Variants in TENM3 observed in about 807,000 individuals in gnomAD.
TENM3 encodes teneurin-3.
Under a neutral mutation model 255.1 loss-of-function variants are expected in TENM3, and 63 were observed. That is an observed-to-expected ratio of 0.25 (90% CI 0.20 to 0.30). TENM3 has a LOEUF of 0.30. Among genes scored for constraint, TENM3 ranks in the 10% least tolerant of loss-of-function variants. The pLI, the probability that TENM3 is intolerant of heterozygous loss-of-function variation, is 1.00. For synonymous variants in TENM3, 1,306 were observed against 1,322.3 expected (o/e 0.99, Z 0.27); for missense variants, 2,929 against 3,461.1 (o/e 0.85, Z 3.86).
chr4:182,307,715 C>T (rs1762219572), intron 1 of TENM3, among the ~76,000 whole-genome samples: 1 of 152,200 alleles, frequency 6.6e-6, no homozygotes, highest in African/African-American at 2.4e-5. Flanking sequence ...GCAATGCCTC[C>T]CTTTGAGGAA....
chr4:181,704,339 G>A, the TENM3 span, among the ~76,000 whole-genome samples: 1 of 152,132 alleles, frequency 6.6e-6, no homozygotes. Context: ...CCTGTCCCAG[G>A]AGGAATATTG....
In TENM3 at chr4:182,800,451, G is replaced by A. The variant is rs370700972; in HGVS notation, c.*100G>A. 1.4e-6 allele frequency: 2 copies of A among 1,391,704 alleles called. No individual in the cohort carries two copies. Among genetic ancestry groups the A allele is most frequent in the Non-Finnish European group, 9.5e-7 (1 of 1,056,858 alleles). The allele number at this position is 1,391,704 out of a possible 1,614,324, so 86.2% of individuals were successfully genotyped here. ...CAACGCCCAAGAGCCTTCCTCCCGG[G>A]GGAATGAGACTGCTGTTACGACCCA... On this transcript the variant is annotated 3_prime_UTR_variant, in exon 28 of 28. Transcript: ENST00000511685.
At chr4:182,447,552 G>C (rs1773031467) in intron 3 of TENM3, among the ~76,000 whole-genome samples, 1 of 152,144 alleles carries the variant, frequency 6.6e-6, no homozygotes, top group South Asian at 2.1e-4. Flanking sequence ...AAGACCGTGG[G>C]GGAAGAGAGA....
chr4:182,480,644 C>G (rs1179642105), intron 3 of TENM3, among the ~76,000 whole-genome samples: 1 of 151,984 alleles, frequency 6.6e-6, no homozygotes, highest in East Asian at 1.9e-4. Context: ...ATTTGGAACT[C>G]TGTATCTTTG....
the TENM3 span, among the ~76,000 whole-genome samples, chr4:181,913,092 T>C: frequency 5.9e-5 from 9 of 151,886 alleles, no homozygotes; most frequent in Admixed American, 5.9e-4. Context: ...ATATGCAAAA[T>C]AACACGGAGA....
the TENM3 span, among the ~76,000 whole-genome samples, chr4:181,798,117 A>G: frequency 5.4e-5 from 7 of 128,870 alleles, no homozygotes; most frequent in Non-Finnish European, 8.2e-5. Context: ...GTGTGTGTGT[A>G]TAGTTTTGTC....
At chr4:182,394,351 A>G (rs997935714) in intron 3 of TENM3, among the ~76,000 whole-genome samples, 8 of 152,184 alleles carry the variant, frequency 5.3e-5, no homozygotes, top group Non-Finnish European at 2.9e-5. Context: ...ATCTTACGCA[A>G]TTGAAATACA....
the TENM3 span, chr4:181,523,135 T>C: frequency 2.5e-6 from 1 of 404,268 alleles, no homozygotes; most frequent in South Asian, 2.0e-5. Context: ...TTTGTACTAG[T>C]GAAGCCTGTA....
rs568156418 is a variant in TENM3, at chr4:182,342,804, G to A, written c.233-3847G>A. Among the ~76,000 whole-genome samples, 159 of 152,214 alleles carry A rather than the reference G, an allele frequency of 1.0e-3. 1 individual carries two copies. Among genetic ancestry groups the A allele is most frequent in the African/African-American group, 3.6e-3 (148 of 41,532 alleles). On this transcript the variant is annotated intron_variant, in intron 2 of 27. Coordinates refer to ENST00000511685, the MANE Select transcript of TENM3 (RefSeq NM_001080477.4). ...TATGTACCTCTGAGACTAGTCCCTC[G>A]GGTAGAATCTGTTTCTCATACAAGA...
At position 182,157,709 on chromosome 4, in the gene TENM3, G is replaced by A. The variant is rs77806150; in HGVS notation, c.-76+12955G>A. Reference sequence around the variant, plus strand: ...GACTTGTCAGCATTTAGATGAGGACGAAAGATGTGGCTGGAGACTATAGAT... The same window carrying A: ...GACTTGTCAGCATTTAGATGAGGACAAAAGATGTGGCTGGAGACTATAGAT... On this transcript the variant is annotated intron_variant, in intron 1 of 2. Transcript: ENST00000512480. Among the ~76,000 whole-genome samples the A allele has an allele frequency of 2.4e-3, 366 of 152,264 alleles. 1 individual carries two copies. Among genetic ancestry groups the A allele is most frequent in the African/African-American group, 7.8e-3 (324 of 41,556 alleles).
At chr4:182,279,161 C>T (rs543300809) in intron 1 of TENM3, among the ~76,000 whole-genome samples, 5 of 152,266 alleles carry the variant, frequency 3.3e-5, no homozygotes, top group South Asian at 2.1e-4. Context: ...TTGAGTGATC[C>T]GCAGTGTCTT....
At chr4:181,812,253 G>A in the TENM3 span, among the ~76,000 whole-genome samples, 29 of 152,206 alleles carry the variant, frequency 1.9e-4, no homozygotes, top group Admixed American at 6.5e-4. Flanking sequence ...CAATATCCTC[G>A]AGTAACACTA....
At chr4:182,291,818 T>A (rs1761145192) in intron 1 of TENM3, among the ~76,000 whole-genome samples, 3 of 151,540 alleles carry the variant, frequency 2.0e-5, no homozygotes, top group Admixed American at 2.0e-4. Context: ...CCCAGTGGGG[T>A]CGCGTTCCCA....
chr4:182,352,696 C>T (rs1051698028), intron 3 of TENM3, among the ~76,000 whole-genome samples: 1 of 151,962 alleles, frequency 6.6e-6, no homozygotes, highest in African/African-American at 2.4e-5. Flanking sequence ...TTTCACTTGT[C>T]CTTTGAAATG....
rs532371829 is a variant in TENM3, at chr4:182,623,569, A to G, written c.750-5082A>G. ...GCTGGTCTCGACTCCTGAGCTTGTG[A>G]TCCACCCGCTGCGGCCTTCCAAAGT... is the stretch of plus-strand genomic sequence containing the variant. On this transcript the variant is annotated intron_variant, in intron 4 of 27. Coordinates refer to ENST00000511685, the MANE Select transcript of TENM3 (RefSeq NM_001080477.4). Among the ~76,000 whole-genome samples the G allele has an allele frequency of 1.3e-3, 199 of 151,836 alleles. 1 individual carries two copies. The highest frequency in any genetic ancestry group is 4.6e-3 in the African/African-American group (192 of 41,378).
chr4:181,727,193 G>A, the TENM3 span, among the ~76,000 whole-genome samples: 1 of 151,634 alleles, frequency 6.6e-6, no homozygotes, highest in African/African-American at 2.4e-5. Flanking sequence ...GGTGACCTGG[G>A]ATTAAAAGTT....
the TENM3 span, among the ~76,000 whole-genome samples, chr4:181,510,671 G>C: frequency 6.6e-6 from 1 of 152,188 alleles, no homozygotes; most frequent in Non-Finnish European, 1.5e-5. Context: ...TGGTGTCAAG[G>C]CAGAATTTAA....
chr4:182,179,970 T>G (rs982709710), intron 1 of TENM3, among the ~76,000 whole-genome samples: 2 of 152,310 alleles, frequency 1.3e-5, no homozygotes, highest in Non-Finnish European at 1.5e-5. Flanking sequence ...GTAGTCTCTA[T>G]GGGCTTTGTA....
the TENM3 span, among the ~76,000 whole-genome samples, chr4:181,942,958 A>G: frequency 1.3e-5 from 2 of 152,216 alleles, no homozygotes; most frequent in African/African-American, 2.4e-5. Flanking sequence ...TAATATTGAC[A>G]TTGGCACTTA....
Sources: gnomAD v4.1 joint callset for allele counts (sites outside exome capture counted in the v4.1 genomes callset) on GRCh38, gnomAD v4.1.1 for gene constraint, MANE v1.5 for transcripts, NCBI Gene and HGNC (gene_info 2026-07-23, HGNC 2026-07-21) for gene names.